Variants in RYR1 observed in about 807,000 individuals in gnomAD.
RYR1 encodes ryanodine receptor 1.
In RYR1, 342 loss-of-function variants were observed where a neutral mutation model predicts 583.5. That is an observed-to-expected ratio of 0.59 (90% CI 0.54 to 0.64). The LOEUF is 0.64. Ranked by LOEUF, RYR1 falls within the 30% of genes least tolerant of loss-of-function variation. The probability of loss-of-function intolerance (pLI) is 0.00; values close to 1 mark genes in which losing one functional copy is unlikely to be tolerated. For synonymous variants in RYR1, 2,791 were observed against 2,822.5 expected (o/e 0.99, Z 0.35); for missense variants, 6,032 against 6,917.2 (o/e 0.87, Z 4.54).
chr19:38,474,564 C>CTTTTTTT (rs970000046), intron 28 of RYR1, among the ~76,000 whole-genome samples: 2 of 88,208 alleles, frequency 2.3e-5, no homozygotes, highest in Admixed American at 1.2e-4. Flanking sequence ...CGCCCGGCTC[C>CTTTTTTT]TTTTTTTTTT....
At chr19:38,445,226 A>G (rs1288676801) in intron 7 of RYR1, among the ~76,000 whole-genome samples, 1 of 130,438 alleles carries the variant, frequency 7.7e-6, no homozygotes, top group African/African-American at 3.0e-5. Context: ...CTGCCTCAAA[A>G]AAAAAAAAAA....
Position 38,505,096 on chromosome 19 carries a change from C to A in RYR1, c.8310+15C>A. 1 of 1,612,026 alleles carries A rather than the reference C, an allele frequency of 6.2e-7. No homozygotes were observed. Among genetic ancestry groups the A allele is most frequent in the South Asian group, 1.1e-5 (1 of 91,048 alleles). On this transcript the variant is annotated intron_variant, in intron 52 of 105. Transcript: ENST00000359596. ...CCTTCGACAAGGTTGGCCTCAGGGT[C>A]CTCCTATCCAAGAAACCCTCAAGAC... is the stretch of plus-strand genomic sequence containing the variant.
Position 38,464,633 on chromosome 19 carries a change from C to A in RYR1, c.2787-6C>A. On this transcript the variant is annotated splice_polypyrimidine_tract_variant and splice_region_variant and intron_variant, in intron 22 of 105. Coordinates refer to ENST00000359596, the MANE Select transcript of RYR1 (RefSeq NM_000540.3). ...TGACCTGTCGCCTCCACTCCCCCAC[C>A]CCCAGGACTCTGCTGGCTCTGGGCT... 6.4e-7 allele frequency: 1 copy of A among 1,574,298 alleles called. No homozygotes were observed. Among genetic ancestry groups the A allele is most frequent in the South Asian group, 1.2e-5 (1 of 85,660 alleles).
chr19:38,482,230 A>G (rs1042198505), intron 31 of RYR1, among the ~76,000 whole-genome samples: 2 of 152,092 alleles, frequency 1.3e-5, no homozygotes, highest in Admixed American at 6.6e-5. Context: ...CTGGTTTCCC[A>G]TAGCCTGGAT....
At chr19:38,451,641 G>A in intron 11 of RYR1, 123 bp from the exon 12 acceptor site, 1 of 1,112,556 alleles carries the variant, frequency 9.0e-7, no homozygotes, top group African/African-American at 1.5e-5. Flanking sequence ...GGAGGAATTT[G>A]CAGTGAGATT....
intron 19 of RYR1, among the ~76,000 whole-genome samples, chr19:38,460,082 G>T (rs927029845): frequency 8.5e-5 from 13 of 152,140 alleles, no homozygotes; most frequent in Non-Finnish European, 1.3e-4. Flanking sequence ...GTTGACCTGG[G>T]GTCTCCTCTG....
chr19:38,545,939 A>G (rs1345863861), intron 87 of RYR1, among the ~76,000 whole-genome samples: 1 of 152,164 alleles, frequency 6.6e-6, no homozygotes, highest in East Asian at 1.9e-4. Context: ...TGGGCCCTAC[A>G]CTGTGGCCCT....
chr19:38,501,965 G>A (rs1455420796), intron 47 of RYR1, among the ~76,000 whole-genome samples: 1 of 151,238 alleles, frequency 6.6e-6, no homozygotes, highest in South Asian at 2.1e-4. Flanking sequence ...CAGCCTGGGC[G>A]ACAGAGCGAG....
chr19:38,512,467 C>A lies in RYR1; in HGVS notation c.9456C>A (p.Phe3152Leu), dbSNP rs369206584. The change falls in exon 63 of 106, where the codon TTC becomes TTA. Residue 3152 changes from phenylalanine (F) to leucine (L), a missense_variant. Phe to Leu is a conservative substitution (Grantham distance 22). Coordinates refer to ENST00000359596, the MANE Select transcript of RYR1 (RefSeq NM_000540.3). This position sits in a 1 kb window ranked among gnomAD's most constrained non-coding sequence, Gnocchi z 5.1. ...TLFQHIAQHQ[F>L]GDDVILDDVQ... is the part of the protein sequence containing the mutation. ...TCCAGCACATCGCCCAGCACCAGTT[C>A]GGAGATGACGTCATCCGTAAGGGCG... The A allele has an allele frequency of 1.2e-6, 2 of 1,612,110 alleles. No homozygotes were observed. Among genetic ancestry groups the A allele is most frequent in the South Asian group, 1.1e-5 (1 of 91,084 alleles).
intron 67 of RYR1, among the ~76,000 whole-genome samples, chr19:38,520,437 G>A (rs536832124): frequency 6.7e-6 from 1 of 149,644 alleles, no homozygotes; most frequent in Non-Finnish European, 1.5e-5. Flanking sequence ...GCTCATGCCT[G>A]TAATCCCAGC....
chr19:38,558,118 A>G (rs1342450521), intron 89 of RYR1, among the ~76,000 whole-genome samples: 1 of 151,872 alleles, frequency 6.6e-6, no homozygotes, highest in Non-Finnish European at 1.5e-5. Context: ...AGACCAGCCT[A>G]GAAAACATAA....
chr19:38,577,930 C>A lies in RYR1; in HGVS notation c.14185C>A (p.His4729Asn). 6.2e-7 allele frequency: 1 copy of A among 1,614,142 alleles called. No individual in the cohort carries two copies. The highest frequency in any genetic ancestry group is 1.3e-5 in the African/African-American group (1 of 75,052). The change falls in exon 98 of 106, where the codon CAT becomes AAT. Residue 4729 changes from histidine to asparagine, a missense_variant. Physicochemically the swap from His to Asn is moderately conservative, Grantham distance 68. Coordinates refer to ENST00000359596, the MANE Select transcript of RYR1 (RefSeq NM_000540.3). ...KFVKRKVLDK[H>N]GDIYGRERIA... ...CTCTCTTGTGCAGGTCCTGGACAAA[C>A]ATGGGGACATCTACGGGCGGGAGCG...
chr19:38,569,692 C>T (rs1301333540), intron 93 of RYR1, among the ~76,000 whole-genome samples: 1 of 152,214 alleles, frequency 6.6e-6, no homozygotes, highest in African/African-American at 2.4e-5. Context: ...AATCCCATCT[C>T]TGCCACTCGT....
At chr19:38,516,678 G>C (rs762480873) in intron 65 of RYR1, among the ~76,000 whole-genome samples, 1 of 152,048 alleles carries the variant, frequency 6.6e-6, no homozygotes, top group Admixed American at 6.6e-5. Context: ...TAGGGTGAGG[G>C]GTATTTGAGC....
chr19:38,570,855 C>A (rs548719691), intron 94 of RYR1, among the ~76,000 whole-genome samples, 162 bp downstream of exon 94: 2 of 152,262 alleles, frequency 1.3e-5, no homozygotes, highest in Non-Finnish European at 2.9e-5. Context: ...CCTGGGACCC[C>A]CCTCCATGGG....
At chr19:38,537,227 C>T (rs1568551910) in intron 83 of RYR1, 3 of 230,950 alleles carry the variant, frequency 1.3e-5, no homozygotes, top group South Asian at 6.0e-5. Context: ...GATTGGTGTG[C>T]GCCTGCCTCC....
chr19:38,436,229 CAG>C (rs1030952848), intron 1 of RYR1, among the ~76,000 whole-genome samples: 3 of 146,378 alleles, frequency 2.0e-5, no homozygotes, highest in African/African-American at 7.6e-5. Flanking sequence ...CTTTTTGAGA[CAG>C]AGTCTCAATC....
intron 101 of RYR1, among the ~76,000 whole-genome samples, chr19:38,584,613 C>T (rs186649472): frequency 8.1e-4 from 63 of 77,832 alleles, no homozygotes; most frequent in Middle Eastern, 6.3e-3. Context: ...CCTGCCAGTG[C>T]CCCCCATCCC....
intron 87 of RYR1, among the ~76,000 whole-genome samples, chr19:38,544,345 C>G (rs571560686): frequency 3.3e-5 from 5 of 152,238 alleles, no homozygotes; most frequent in African/African-American, 9.6e-5. Flanking sequence ...CCTTCCATTT[C>G]CATAATCCTT....
Sources: allele counts gnomAD v4.1 joint callset (sites outside exome capture counted in the v4.1 genomes callset), GRCh38; gene constraint gnomAD v4.1.1; non-coding constraint Gnocchi (gnomAD v3.1); transcripts MANE v1.5; gene names NCBI Gene and HGNC (gene_info 2026-07-23, HGNC 2026-07-21).